UGT1A4: variants seen among roughly 807,000 people sequenced by gnomAD.
The protein encoded by UGT1A4 is UDP glucuronosyltransferase family 1 member A4.
A neutral mutation model predicts 41.1 loss-of-function variants in UGT1A4; 32 were observed. The observed-to-expected ratio is 0.78, with a 90% CI of 0.59 to 1.05. The LOEUF (loss-of-function observed/expected upper bound fraction) is 1.05. UGT1A4 is among the 50% of genes least tolerant of loss of function. The pLI is 0.00. For missense variants in UGT1A4, 748 were observed against 677.4 expected (o/e 1.10, Z -1.16); for synonymous variants, 283 against 265.1 (o/e 1.07, Z -0.66).
At chr2:233,724,827 C>G (rs2077319542) in intron 1 of UGT1A4, among the ~76,000 whole-genome samples, 1 of 135,060 alleles carries the variant, frequency 7.4e-6, no homozygotes, top group Non-Finnish European at 1.6e-5. Context: ...AATCTCGGCA[C>G]TTTGGGAGGC....
intron 1 of UGT1A4, chr2:233,747,281 A>C: frequency 6.3e-7 from 1 of 1,599,850 alleles, no homozygotes; most frequent in Non-Finnish European, 8.5e-7. Context: ...CTCAGTGCCC[A>C]GCCCTGGGCT....
chr2:233,728,607 C>T (rs868048236), intron 1 of UGT1A4, among the ~76,000 whole-genome samples: 2 of 152,210 alleles, frequency 1.3e-5, no homozygotes, highest in Admixed American at 6.5e-5. Flanking sequence ...CCAGCCTCCA[C>T]GCTGTTCAGA....
chr2:233,729,681 A>C (rs200127379), intron 1 of UGT1A4: 1 of 1,613,946 alleles, frequency 6.2e-7, no homozygotes. Flanking sequence ...TTAAGGGCAC[A>C]CAGTGTCCAA....
At chr2:233,758,212 G>A (rs377480824) in intron 1 of UGT1A4, among the ~76,000 whole-genome samples, 4 of 152,326 alleles carry the variant, frequency 2.6e-5, no homozygotes, top group African/African-American at 9.6e-5. Context: ...GTTCTCTGTT[G>A]TAATTCATGA....
chr2:233,766,270 CGG>C (rs1699091284), intron 1 of UGT1A4, among the ~76,000 whole-genome samples: 2 of 67,854 alleles, frequency 2.9e-5, no homozygotes, highest in Non-Finnish European at 5.8e-5. Flanking sequence ...GGCCCGGGCT[CGG>C]TGGCCCGGGC....
At chr2:233,737,753 A>G (rs151132399) in intron 1 of UGT1A4, among the ~76,000 whole-genome samples, 3 of 151,992 alleles carry the variant, frequency 2.0e-5, no homozygotes, top group East Asian at 1.9e-4. Context: ...CAGTTTTTCA[A>G]TGTGAACATA....
chr2:233,731,547 T>C (rs548605747), intron 1 of UGT1A4, among the ~76,000 whole-genome samples: 5 of 152,336 alleles, frequency 3.3e-5, no homozygotes, highest in African/African-American at 1.2e-4. Flanking sequence ...TGGTTTTCTG[T>C]CCATGTGATA....
intron 1 of UGT1A4, among the ~76,000 whole-genome samples, chr2:233,730,410 A>G (rs1377970337): frequency 1.3e-5 from 2 of 152,224 alleles, no homozygotes; most frequent in African/African-American, 4.8e-5. Flanking sequence ...ACAATTGTTG[A>G]CATGATAATT....
intron 1 of UGT1A4, chr2:233,721,797 A>G (rs7597496): frequency 0.51 from 260,053 of 511,456 alleles, 70,587 homozygotes; most frequent in African/African-American, 0.82. Context: ...TTTAAAGCAC[A>G]TGCAGCAAAA....
chr2:233,768,579 C>G (rs1408640204), intron 4 of UGT1A4, 140 bp downstream of exon 4: 7 of 934,896 alleles, frequency 7.5e-6, no homozygotes, highest in Non-Finnish European at 8.5e-6. Flanking sequence ...ATTTTTATTT[C>G]TTCTTTTTTT....
Position 233,719,149 on chromosome 2 carries a change from A to T in UGT1A4, c.329A>T (p.Tyr110Phe). Reference protein sequence around the residue: ...FFETEHLLKRYSRSMAIMNNV... With the variant: ...FFETEHLLKRFSRSMAIMNNV... The stretch of plus-strand genomic sequence containing the variant: ...GAAACAGAACATCTTCTGAAGAGAT[A>T]TTCTAGAAGTATGGCAATTATGAAC... Residue 110 changes from tyrosine (Y) to phenylalanine (F), a missense_variant, in exon 1 of 5, where the codon TAT (tyrosine) becomes TTT (phenylalanine). Coordinates refer to ENST00000373409, the MANE Select transcript of UGT1A4 (RefSeq NM_007120.3). 6.2e-7 allele frequency: 1 copy of T among 1,614,268 alleles called. No homozygotes were observed. Among genetic ancestry groups the T allele is most frequent in the Non-Finnish European group, 8.5e-7 (1 of 1,180,048 alleles).
intron 1 of UGT1A4, among the ~76,000 whole-genome samples, chr2:233,727,012 G>T (rs2077577761): frequency 6.6e-6 from 1 of 152,100 alleles, no homozygotes; most frequent in Non-Finnish European, 1.5e-5. Flanking sequence ...TTTATCATTT[G>T]TTGTTTTTGT....
At chr2:233,738,407 A>T (rs568263428) in intron 1 of UGT1A4, among the ~76,000 whole-genome samples, 3 of 152,352 alleles carry the variant, frequency 2.0e-5, no homozygotes, top group African/African-American at 7.2e-5. Context: ...GAACTGGGTA[A>T]CAGGCAGAGG....
At chr2:233,747,731 G>A in intron 1 of UGT1A4, 1 of 1,612,808 alleles carries the variant, frequency 6.2e-7, no homozygotes, top group South Asian at 1.1e-5. Flanking sequence ...TGTTTTTTTT[G>A]AGGAACATTC....
intron 1 of UGT1A4, among the ~76,000 whole-genome samples, chr2:233,749,524 A>C (rs1694211122): frequency 6.6e-6 from 1 of 151,812 alleles, no homozygotes; most frequent in Non-Finnish European, 1.5e-5. Flanking sequence ...AGCAAGGCTA[A>C]TTTTCGAGTG....
intron 1 of UGT1A4, among the ~76,000 whole-genome samples, chr2:233,737,698 T>C (rs1168746375): frequency 6.6e-6 from 1 of 152,140 alleles, no homozygotes; most frequent in Non-Finnish European, 1.5e-5. Flanking sequence ...TGCTGAAGCT[T>C]CCGTTCTCCT....
intron 1 of UGT1A4, among the ~76,000 whole-genome samples, chr2:233,739,658 C>G (rs1397600161): frequency 6.6e-6 from 1 of 152,228 alleles, no homozygotes; most frequent in Non-Finnish European, 1.5e-5. Context: ...TCTGTACCCC[C>G]ATTGTGTCTT....
At chr2:233,755,363 G>T (rs907026349) in intron 1 of UGT1A4, 4 of 363,278 alleles carry the variant, frequency 1.1e-5, no homozygotes. Flanking sequence ...GACCTGGGCC[G>T]CCTGGAGGGC....
rs34642976 is a variant in UGT1A4 at position 233,765,194 on chromosome 2, T to A, written c.868-1840T>A. Among the ~76,000 whole-genome samples, 4 of 152,300 alleles carry A rather than the reference T, an allele frequency of 2.6e-5. No homozygotes were observed. The East Asian group carries it at 7.7e-4, about 29-fold the overall frequency. On this transcript the variant is annotated intron_variant, in intron 1 of 4. Transcript: ENST00000373409. ...CAAGCCCTGCCACATCACACAATCA[T>A]ATTAGTGCCCTCAGTATTCTTTGCA...
Sources: allele counts gnomAD v4.1 joint callset (sites outside exome capture counted in the v4.1 genomes callset), GRCh38; gene constraint gnomAD v4.1.1; transcripts MANE v1.5; gene names NCBI Gene and HGNC (gene_info 2026-07-23, HGNC 2026-07-21).